The following ANK2 variants were observed in gnomAD, a reference collection of about 807,000 sequenced individuals.
ANK2 encodes the protein ankyrin 2.
A neutral mutation model predicts 360.5 loss-of-function variants in ANK2; 83 were observed. That is an observed-to-expected ratio of 0.23 (90% CI 0.19 to 0.28). The LOEUF is 0.28. Among genes scored for constraint, ANK2 ranks in the 10% least tolerant of loss-of-function variants. The probability of loss-of-function intolerance (pLI) is 1.00; values close to 1 mark genes in which losing one functional copy is unlikely to be tolerated. For missense variants in ANK2, 4,201 were observed against 4,795.7 expected (o/e 0.88, Z 3.66); for synonymous variants, 1,740 against 1,759.5 (o/e 0.99, Z 0.28).
upstream of ANK2, among the ~76,000 whole-genome samples, chr4:112,813,838 A>G (rs143838021): frequency 6.6e-6 from 1 of 152,156 alleles, no homozygotes; most frequent in Non-Finnish European, 1.5e-5. Flanking sequence ...ACCCAGCCAG[A>G]TTTCCCTTAA....
chr4:112,761,535 G>A, the ANK2 span, among the ~76,000 whole-genome samples: 5 of 152,124 alleles, frequency 3.3e-5, no homozygotes, highest in Non-Finnish European at 5.9e-5. Context: ...CAGGAGAGTC[G>A]CTTGAACCAG....
At chr4:113,040,651 TTTACA>T (rs1221153422) in intron 2 of ANK2, among the ~76,000 whole-genome samples, 5 of 152,190 alleles carry the variant, frequency 3.3e-5, no homozygotes, top group African/African-American at 1.2e-4. Flanking sequence ...TCTCTGGTCT[TTTACA>T]CCTTAAGCAA....
intron 29 of ANK2, among the ~76,000 whole-genome samples, chr4:113,334,571 T>A (rs1351492445): frequency 1.3e-5 from 2 of 148,358 alleles, no homozygotes; most frequent in African/African-American, 2.5e-5. Flanking sequence ...GATTAATTAA[T>A]CTATTACTAG....
intron 1 of ANK2, among the ~76,000 whole-genome samples, chr4:113,108,051 T>C (rs1036343554): frequency 6.6e-6 from 1 of 152,208 alleles, no homozygotes; most frequent in Non-Finnish European, 1.5e-5. Context: ...TGGACATTCG[T>C]TTACCAATGA....
chr4:113,309,933 C>T (rs147048778), intron 23 of ANK2, among the ~76,000 whole-genome samples: 75 of 152,234 alleles, frequency 4.9e-4, no homozygotes, highest in African/African-American at 1.6e-3. Context: ...TCTATTCACA[C>T]GAGAGAGGAA....
At chr4:112,811,952 G>A in the ANK2 span, among the ~76,000 whole-genome samples, 2 of 151,272 alleles carry the variant, frequency 1.3e-5, no homozygotes, top group Non-Finnish European at 3.0e-5. Context: ...GCGGGCGCCT[G>A]TAGTCCCAGC....
At chr4:112,711,321 G>A in the ANK2 span, among the ~76,000 whole-genome samples, 63 of 152,170 alleles carry the variant, frequency 4.1e-4, no homozygotes, top group East Asian at 7.0e-3. Flanking sequence ...TCAGGAATTT[G>A]CGACCAGCCT....
chr4:113,219,139 G>A (rs999752545), intron 4 of ANK2, among the ~76,000 whole-genome samples: 1 of 152,130 alleles, frequency 6.6e-6, no homozygotes. Context: ...TACATGCTGA[G>A]CAAATTATAC....
At chr4:113,041,396 G>A (rs922252930) in intron 2 of ANK2, among the ~76,000 whole-genome samples, 3 of 152,162 alleles carry the variant, frequency 2.0e-5, no homozygotes, top group Middle Eastern at 3.4e-3. Context: ...GATGTTGCTG[G>A]GTGTGGCTTC....
chr4:113,180,347 T>C (rs949041997), intron 2 of ANK2, among the ~76,000 whole-genome samples: 1 of 152,262 alleles, frequency 6.6e-6, no homozygotes. Context: ...GTTGTTTTGA[T>C]GATTAAGTGA....
chr4:113,357,999 A>G lies in ANK2; in HGVS notation c.9381A>G (p.Glu3127=), dbSNP rs544513087. Residue 3127 remains glutamate, a synonymous_variant, in exon 38 of 46, where the codon GAA becomes GAG. Coordinates refer to ENST00000357077, the MANE Select transcript of ANK2 (RefSeq NM_001148.6). ...TGACCAAAAGGTCCTATGCAGATGA[A>G]AGTTTTCACTTTTTCCAAATTGGTC... ...IDMTKRSYAD[E]SFHFFQIGQE... The G allele has an allele frequency of 1.9e-5, 31 of 1,614,024 alleles. No individual in the cohort carries two copies. The East Asian group carries it at 6.0e-4, about 31-fold the overall frequency.
chr4:112,725,287 A>C, the ANK2 span, among the ~76,000 whole-genome samples: 20 of 133,330 alleles, frequency 1.5e-4, no homozygotes, highest in Admixed American at 5.3e-4. Flanking sequence ...GTCTCCAGAC[A>C]AAAAAAAAAA....
At chr4:113,095,359 T>G (rs374961781) in intron 1 of ANK2, among the ~76,000 whole-genome samples, 14 of 152,290 alleles carry the variant, frequency 9.2e-5, no homozygotes, top group East Asian at 7.7e-4. Context: ...AGCTTTTAAT[T>G]TGGTTATATA....
intron 2 of ANK2, among the ~76,000 whole-genome samples, chr4:113,037,355 A>T (rs919503225): frequency 6.6e-6 from 1 of 152,026 alleles, no homozygotes; most frequent in Non-Finnish European, 1.5e-5. Context: ...TCTGAGTCTC[A>T]ACTGATTAGA....
chr4:112,859,090 C>T (rs1026042139), intron 1 of ANK2, among the ~76,000 whole-genome samples: 4 of 152,176 alleles, frequency 2.6e-5, no homozygotes, highest in Admixed American at 6.5e-5. Flanking sequence ...ATGAAAACCT[C>T]GCTCGGAGGC....
rs147844045 is a variant in ANK2, at chr4:113,052,495, T to C, written c.84+2683T>C. ...GTAATTTACTTGTTTATTCTGTACCTTCCAAAAGTACCTCTTCTGAGGGAC... is the reference window on the plus strand; with the variant it reads ...GTAATTTACTTGTTTATTCTGTACCCTCCAAAAGTACCTCTTCTGAGGGAC... On this transcript the variant is annotated intron_variant, in intron 1 of 45. Coordinates refer to ENST00000357077, the MANE Select transcript of ANK2 (RefSeq NM_001148.6). Among the ~76,000 whole-genome samples, 13 of 152,294 alleles carry C rather than the reference T, an allele frequency of 8.5e-5. 1 individual carries two copies. The East Asian group carries it at 2.5e-3, about 29-fold the overall frequency.
At chr4:112,818,676 C>T (rs996847848) in intron 1 of ANK2, among the ~76,000 whole-genome samples, 19 of 152,052 alleles carry the variant, frequency 1.2e-4, no homozygotes, top group African/African-American at 3.4e-4. Context: ...GTGTCTGTGC[C>T]GGAGAAAGTG....
chr4:112,883,147 T>A (rs539361333), intron 1 of ANK2, among the ~76,000 whole-genome samples: 110 of 145,886 alleles, frequency 7.5e-4, no homozygotes, highest in African/African-American at 2.6e-3. Context: ...CAAGCGATTC[T>A]CCTGCCTCAG....
chr4:113,032,481 T>G (rs995207487), intron 2 of ANK2, among the ~76,000 whole-genome samples: 2 of 152,002 alleles, frequency 1.3e-5, no homozygotes, highest in African/African-American at 4.8e-5. Flanking sequence ...GGGGATTCCA[T>G]GAGGAGAGGG....
Sources: allele counts gnomAD v4.1 joint callset (sites outside exome capture counted in the v4.1 genomes callset), GRCh38; gene constraint gnomAD v4.1.1; transcripts MANE v1.5; gene names NCBI Gene and HGNC (gene_info 2026-07-23, HGNC 2026-07-21).